PROS1: variants seen among roughly 807,000 people sequenced by gnomAD.
PROS1 encodes the protein protein S, also known as vitamin K-dependent protein S.
Under a neutral mutation model 75.9 loss-of-function variants are expected in PROS1, and 29 were observed. The ratio of observed to expected loss-of-function variants is 0.38; its 90% CI spans 0.28 to 0.52. The LOEUF (loss-of-function observed/expected upper bound fraction) is 0.52. PROS1 is among the 20% of genes least tolerant of loss of function. The pLI, the probability that PROS1 is intolerant of heterozygous loss-of-function variation, is 0.83. For synonymous variants in PROS1, 245 were observed against 280.6 expected, an observed-to-expected ratio of 0.87 and a Z score of 1.27; for missense variants, 680 against 810.3, an observed-to-expected ratio of 0.84 and a Z score of 1.95.
At chr3:93,934,046 G>A (rs1383020610) in intron 1 of PROS1, among the ~76,000 whole-genome samples, 2 of 150,410 alleles carry the variant, frequency 1.3e-5, no homozygotes, top group Admixed American at 1.3e-4. Context: ...CAGGAGTGGT[G>A]GTGGGCACCT....
chr3:93,973,580 G>T, intron 1 of PROS1, 94 bp downstream of exon 1: 1 of 1,334,380 alleles, frequency 7.5e-7, no homozygotes, highest in Non-Finnish European at 1.1e-6. Context: ...TTTCTAGGAG[G>T]CTGCAGCTCT....
At chr3:93,930,592 G>A (rs941933989) in intron 1 of PROS1, among the ~76,000 whole-genome samples, 26 of 152,168 alleles carry the variant, frequency 1.7e-4, no homozygotes, top group African/African-American at 3.4e-4. Context: ...CTCTTTCCCC[G>A]TATGGGCCCC....
intron 1 of PROS1, among the ~76,000 whole-genome samples, chr3:93,939,596 C>T (rs1709248519): frequency 6.6e-6 from 1 of 152,154 alleles, no homozygotes. Flanking sequence ...ACAATTTCCT[C>T]TTAAAGAGGT....
intron 1 of PROS1, among the ~76,000 whole-genome samples, chr3:93,971,354 TCTAA>T (rs1559955394): frequency 9.6e-6 from 1 of 103,664 alleles, no homozygotes; most frequent in Non-Finnish European, 1.8e-5. Flanking sequence ...AGACTCCATC[TCTAA>T]ATAAATAAAT....
chr3:93,904,304 G>T (rs1387722941), intron 6 of PROS1, among the ~76,000 whole-genome samples: 1 of 152,090 alleles, frequency 6.6e-6, no homozygotes, highest in Non-Finnish European at 1.5e-5. Flanking sequence ...ATAGCAGCAT[G>T]ATTTATAGTC....
At chr3:93,909,066 A>C (rs530956115) in intron 4 of PROS1, among the ~76,000 whole-genome samples, 50 of 152,316 alleles carry the variant, frequency 3.3e-4, no homozygotes, top group African/African-American at 1.1e-3. Context: ...TAAACAAAAG[A>C]AAGCCAGAGT....
At chr3:93,899,150 T>C (rs1258357482) in intron 7 of PROS1, among the ~76,000 whole-genome samples, 2 of 148,536 alleles carry the variant, frequency 1.3e-5, no homozygotes, top group Admixed American at 6.7e-5. Flanking sequence ...AAATATCTGT[T>C]TTTTTTTTTT....
In PROS1 at chr3:93,930,742, C is replaced by T. The variant is rs115318282; in HGVS notation, c.77-3335G>A. On this transcript the variant is annotated intron_variant, in intron 1 of 14. Coordinates refer to ENST00000394236, the MANE Select transcript of PROS1 (RefSeq NM_000313.4). ...AAGTTTATAAAAGTAAACATAACCA[C>T]CTTTATTATTTAAGAGATGATGAAA... Among the ~76,000 whole-genome samples the T allele has an allele frequency of 7.0e-3, 1,058 of 152,218 alleles. 9 individuals carry two copies. Among genetic ancestry groups the T allele is most frequent in the African/African-American group, 0.024 (994 of 41,526 alleles).
At chr3:93,931,520 C>G (rs1297900480) in intron 1 of PROS1, among the ~76,000 whole-genome samples, 2 of 152,186 alleles carry the variant, frequency 1.3e-5, no homozygotes, top group Admixed American at 6.5e-5. Flanking sequence ...AGTCTACCTA[C>G]TTTCCAAGAA....
intron 10 of PROS1, among the ~76,000 whole-genome samples, chr3:93,886,890 A>C (rs948179587): frequency 4.0e-5 from 6 of 151,836 alleles, no homozygotes; most frequent in African/African-American, 1.5e-4. Context: ...CGCACATGGA[A>C]TCAATAGTGT....
chr3:93,941,888 C>T (rs555990502), intron 1 of PROS1, among the ~76,000 whole-genome samples: 117 of 152,296 alleles, frequency 7.7e-4, no homozygotes, highest in African/African-American at 2.7e-3. Flanking sequence ...ACACCTGGTG[C>T]GTATGCTTTC....
chr3:93,960,393 G>T (rs1709687399), intron 1 of PROS1, among the ~76,000 whole-genome samples: 1 of 151,594 alleles, frequency 6.6e-6, no homozygotes, highest in Admixed American at 6.6e-5. Flanking sequence ...AGCTAGGATG[G>T]TCTCAATCTC....
At chr3:93,963,077 T>C (rs1381870597) in intron 1 of PROS1, among the ~76,000 whole-genome samples, 5 of 152,188 alleles carry the variant, frequency 3.3e-5, no homozygotes, top group Admixed American at 3.3e-4. Context: ...AGCAAGGTCC[T>C]CTTCAGAAGC....
At chr3:93,967,261 G>A (rs905675617) in intron 1 of PROS1, among the ~76,000 whole-genome samples, 2 of 152,148 alleles carry the variant, frequency 1.3e-5, no homozygotes, top group African/African-American at 4.8e-5. Context: ...TGATTAAGAA[G>A]GGCTCTTCCA....
chr3:93,896,727 T>A, intron 8 of PROS1, 36 bp from the exon 9 acceptor site: 1 of 1,461,528 alleles, frequency 6.8e-7, no homozygotes, highest in Non-Finnish European at 9.6e-7. Flanking sequence ...AACAAGAAAA[T>A]CAAAATGCAC....
chr3:93,940,066 G>A (rs1333490311), intron 1 of PROS1, among the ~76,000 whole-genome samples: 1 of 152,244 alleles, frequency 6.6e-6, no homozygotes, highest in Non-Finnish European at 1.5e-5. Context: ...CCTCCCCCAG[G>A]ATCTTGCTTC....
At position 93,898,646 on chromosome 3, in the gene PROS1, G is replaced by T. The variant is rs1446117403; in HGVS notation, c.728-77C>A. Reference sequence around the variant, plus strand: ...AATCTTATAGGCAGAGGAATATTATGATTGTAGTATGATATAATCAATGAT... The same window carrying T: ...AATCTTATAGGCAGAGGAATATTATTATTGTAGTATGATATAATCAATGAT... On this transcript the variant is annotated intron_variant, in intron 7 of 14. Transcript: ENST00000394236. 24 of 1,520,216 alleles carry T rather than the reference G, an allele frequency of 1.6e-5. 2 individuals carry two copies. The South Asian group carries it at 2.7e-4, about 17-fold the overall frequency. The allele number at this position is 1,520,216 out of a possible 1,614,324, so 94.2% of individuals were successfully genotyped here.
At chr3:93,928,011 A>ATT (rs1196919400) in intron 1 of PROS1, among the ~76,000 whole-genome samples, 21 of 44,456 alleles carry the variant, frequency 4.7e-4, no homozygotes, top group East Asian at 2.2e-3. Context: ...ATATATATAT[A>ATT]TTTTTTTTTT....
intron 1 of PROS1, among the ~76,000 whole-genome samples, chr3:93,972,759 G>C (rs1709897988): frequency 6.6e-6 from 1 of 152,192 alleles, no homozygotes. Context: ...TGAGGCATGA[G>C]TATCACTTGA....
Sources: allele counts gnomAD v4.1 joint callset (sites outside exome capture counted in the v4.1 genomes callset), GRCh38; gene constraint gnomAD v4.1.1; transcripts MANE v1.5; gene names NCBI Gene and HGNC (gene_info 2026-07-23, HGNC 2026-07-21).